Variants in EXD3 observed in about 807,000 individuals in gnomAD.
EXD3 encodes exonuclease 3'-5' domain containing 3.
EXD3 carries 92 observed loss-of-function variants against 98.0 expected under a neutral mutation model. That is an observed-to-expected ratio of 0.94 (90% CI 0.79 to 1.12). EXD3 has a LOEUF of 1.12. Ranked by LOEUF, EXD3 falls within the 50% of genes most tolerant of loss-of-function variation. The probability of loss-of-function intolerance (pLI) is 0.00; values close to 1 mark genes in which losing one functional copy is unlikely to be tolerated. For synonymous variants in EXD3, 569 were observed against 526.0 expected (o/e 1.08, Z -1.12); for missense variants, 1,222 against 1,191.6 (o/e 1.03, Z -0.38).
intron 7 of EXD3, among the ~76,000 whole-genome samples, chr9:137,362,570 A>T (rs1835044311): frequency 6.6e-6 from 1 of 150,826 alleles, no homozygotes. Context: ...ATCACAGCTT[A>T]CTGTAGCCTC....
At chr9:137,392,782 C>A in intron 2 of EXD3, 2 of 316,742 alleles carry the variant, frequency 6.3e-6, no homozygotes, top group South Asian at 2.3e-5. Flanking sequence ...CGAGGCTGTT[C>A]CAGGGGGCAT....
intron 19 of EXD3, among the ~76,000 whole-genome samples, chr9:137,322,326 C>T (rs1044604278): frequency 2.2e-4 from 33 of 152,180 alleles, no homozygotes; most frequent in African/African-American, 6.0e-4. Flanking sequence ...GATGCTCTGC[C>T]GACGCCTCAC....
rs183720929 is a variant in EXD3, at chr9:137,422,511, C to A, written c.-48+603G>T. Among the ~76,000 whole-genome samples, 4 of 152,306 alleles carry A rather than the reference C, an allele frequency of 2.6e-5. No homozygotes were observed. In the East Asian group the frequency reaches 5.8e-4, roughly 22 times the overall value. On this transcript the variant is annotated intron_variant, in intron 1 of 21. Coordinates refer to ENST00000340951, the MANE Select transcript of EXD3 (RefSeq NM_017820.5). ...GGCAACGTTCGAAACCACCTGCTCT[C>A]CGATGGGCTCTGTTTTCTTTAAAAA...
At position 137,349,879 on chromosome 9, in the gene EXD3, C is replaced by T. The variant is rs528065665; in HGVS notation, c.1495-348G>A. ...TTCAGAAGAGGAGCACTGGGTGTGC[C>T]GTGCATAAAACAGCAGAAACGCAGA... On this transcript the variant is annotated intron_variant, in intron 14 of 21. Coordinates refer to ENST00000340951, the MANE Select transcript of EXD3 (RefSeq NM_017820.5). This position sits in a 1 kb window ranked among gnomAD's most constrained non-coding sequence, Gnocchi z 7.4. Among the ~76,000 whole-genome samples, 12 of 152,022 alleles carry T rather than the reference C, an allele frequency of 7.9e-5. No individual in the cohort carries two copies. Among genetic ancestry groups the T allele is most frequent in the Non-Finnish European group, 1.6e-4 (11 of 68,002 alleles).
At chr9:137,343,620 GCT>G (rs1472693461) in intron 17 of EXD3, 8 of 99,492 alleles carry the variant, frequency 8.0e-5, no homozygotes. Flanking sequence ...ACGGAGTCTC[GCT>G]CTGTTACCCA....
At chr9:137,330,529 AGCTATACAGGAG>A (rs1231670893) in intron 17 of EXD3, among the ~76,000 whole-genome samples, 68 of 133,040 alleles carry the variant, frequency 5.1e-4, no homozygotes, top group South Asian at 1.8e-3. Context: ...ACCACACAGG[AGCTATACAGGAG>A]CTACACAGGA....
At chr9:137,356,193 TCA>T in intron 8 of EXD3, 73 bp downstream of exon 8, 1 of 1,130,374 alleles carries the variant, frequency 8.8e-7, no homozygotes, top group Non-Finnish European at 1.3e-6. Context: ...GCAGCCCCAG[TCA>T]CAGAGGATGT....
At chr9:137,323,940 C>G (rs928036168) in intron 18 of EXD3, 84 bp from the exon 19 acceptor site, 7 of 1,534,196 alleles carry the variant, frequency 4.6e-6, no homozygotes, top group Non-Finnish European at 6.2e-6. Flanking sequence ...CAGCATGGGG[C>G]AGGAGCCTTC....
At position 137,405,348 on chromosome 9, in the gene EXD3, C is replaced by G. The variant is rs1278186811; in HGVS notation, c.-47-9944G>C. Among the ~76,000 whole-genome samples the G allele has an allele frequency of 6.6e-6, 1 of 152,198 alleles. No individual in the cohort carries two copies. The highest frequency in any genetic ancestry group is 6.5e-5 in the Admixed American group (1 of 15,292). ...TGCTTCCCCAACTGCTCCCTGGGGACCCCTGGACCACAGGACCAACGGGGG... is the reference window on the plus strand; with the variant it reads ...TGCTTCCCCAACTGCTCCCTGGGGAGCCCTGGACCACAGGACCAACGGGGG... On this transcript the variant is annotated intron_variant, in intron 1 of 21. Transcript: ENST00000340951. The surrounding 1 kb of genome is among the most constrained non-coding windows in gnomAD (Gnocchi z 4.1).
At chr9:137,358,151 TGTTA>T (rs1343732674) in intron 7 of EXD3, among the ~76,000 whole-genome samples, 1 of 152,198 alleles carries the variant, frequency 6.6e-6, no homozygotes, top group Non-Finnish European at 1.5e-5. Context: ...CATCCCAGTG[TGTTA>T]GTGTTAGCAT....
rs761158585 is a variant in EXD3 at position 137,352,717 on chromosome 9, C to T, written c.940G>A (p.Val314Ile). Reference protein sequence around the residue: ...SQLLVSHSDPVTAAQCAMELL... With the variant: ...SQLLVSHSDPITAAQCAMELL... ...TCCATGGCACACTGGGCGGCCGTGA[C>T]TGGGTCACTGTGGGAGACCAGCAGC... The change falls in exon 11 of 22, where the codon GTC (valine) becomes ATC (isoleucine). Residue 314 changes from valine (V) to isoleucine (I), a missense_variant. Val to Ile is a conservative substitution (Grantham distance 29). Transcript: ENST00000340951. The T allele has an allele frequency of 9.5e-6, 15 of 1,571,326 alleles. No individual in the cohort carries two copies. The Middle Eastern group carries it at 1.3e-3, about 139-fold the overall frequency.
At chr9:137,354,032 G>A in intron 10 of EXD3, 1 of 1,185,926 alleles carries the variant, frequency 8.4e-7, no homozygotes, top group South Asian at 4.0e-5. Flanking sequence ...CCTCTCTGGT[G>A]ACTCTCAGCC....
chr9:137,353,161 C>T (rs1021337770), intron 10 of EXD3: 10 of 983,526 alleles, frequency 1.0e-5, no homozygotes, highest in African/African-American at 8.8e-5. Context: ...GCCTCCAAGC[C>T]TCTGCTGACC....
chr9:137,359,421 C>T (rs147449271), intron 7 of EXD3, among the ~76,000 whole-genome samples: 2,320 of 82,786 alleles, frequency 0.028, 703 homozygotes, highest in African/African-American at 0.072. Flanking sequence ...GCCTGTAATC[C>T]CATCACCTTG....
intron 2 of EXD3, among the ~76,000 whole-genome samples, chr9:137,394,892 G>C (rs1430854573): frequency 6.6e-6 from 1 of 152,138 alleles, no homozygotes; most frequent in African/African-American, 2.4e-5. Context: ...AGAGGCTGTG[G>C]GTTCCCTGAG....
At chr9:137,356,535 G>T (rs1834801569) in intron 7 of EXD3, among the ~76,000 whole-genome samples, 167 bp from the exon 8 acceptor site, 1 of 152,172 alleles carries the variant, frequency 6.6e-6, no homozygotes, top group Non-Finnish European at 1.5e-5. Context: ...AGCACTTGGA[G>T]GTCGACATTG....
rs1836389228 is a variant in EXD3, at chr9:137,382,876, C to G, written c.120+437G>C. On this transcript the variant is annotated intron_variant, in intron 3 of 21. Transcript: ENST00000340951. ...CCGGCCCTCCCTCTGTAGCCTCTCC[C>G]CTGGCCTCTCCCGCCCAGCCTCCTG... is the stretch of plus-strand genomic sequence containing the variant. Among the ~76,000 whole-genome samples, 2 of 152,168 alleles carry G rather than the reference C, an allele frequency of 1.3e-5. 1 individual carries two copies. The highest frequency in any genetic ancestry group is 3.9e-4 in the East Asian group (2 of 5,194).
intron 19 of EXD3, among the ~76,000 whole-genome samples, chr9:137,312,456 G>A (rs776955510): frequency 2.0e-5 from 3 of 152,326 alleles, no homozygotes; most frequent in South Asian, 2.1e-4. Flanking sequence ...GGGACTGTGC[G>A]GGCTGGGCCA....
At chr9:137,338,906 A>G (rs1833511284) in intron 17 of EXD3, among the ~76,000 whole-genome samples, 1 of 151,554 alleles carries the variant, frequency 6.6e-6, no homozygotes, top group South Asian at 2.1e-4. Context: ...AAAAAAAAAA[A>G]AAAGGGCAGT....
Sources: allele counts gnomAD v4.1 joint callset (sites outside exome capture counted in the v4.1 genomes callset), GRCh38; gene constraint gnomAD v4.1.1; non-coding constraint Gnocchi (gnomAD v3.1); transcripts MANE v1.5; gene names NCBI Gene and HGNC (gene_info 2026-07-23, HGNC 2026-07-21).